Variants in CELSR2 observed in about 807,000 individuals in gnomAD.
CELSR2 encodes cadherin EGF LAG seven-pass G-type receptor 2.
CELSR2 carries 81 observed loss-of-function variants against 251.6 expected under a neutral mutation model. That is an observed-to-expected ratio of 0.32 (90% CI 0.27 to 0.39). CELSR2 has a LOEUF of 0.39. Ranked by LOEUF, CELSR2 falls within the 10% of genes least tolerant of loss-of-function variation. The probability of loss-of-function intolerance (pLI) is 1.00; values close to 1 mark genes in which losing one functional copy is unlikely to be tolerated. For synonymous variants in CELSR2, 1,721 were observed against 1,670.5 expected (o/e 1.03, Z -0.74); for missense variants, 3,365 against 3,947.7 (o/e 0.85, Z 3.96).
In CELSR2 at chr1:109,250,330, T is replaced by A. The variant is rs1157871310; in HGVS notation, c.251T>A (p.Val84Glu). The part of the protein sequence containing the change: ...DAGTELTGHL[V>E]PHHDGLRVWC... ...GGCACTGAGCTGACTGGCCACCTGG[T>A]ACCCCACCACGATGGCCTGAGGGTT... is the stretch of plus-strand genomic sequence containing the variant. The change falls in exon 1 of 34, where the codon GTA becomes GAA. Residue 84 changes from valine (V) to glutamate (E), a missense_variant. Val to Glu is a moderately radical substitution (Grantham distance 121, BLOSUM62 -2). This residue lies in a region of CELSR2 where 704 missense variants were observed against 784.1 expected (regional missense o/e 0.90). Transcript: ENST00000271332. The surrounding 1 kb of genome is among the most constrained non-coding windows in gnomAD (Gnocchi z 4.4). The A allele has an allele frequency of 6.2e-7, 1 of 1,613,336 alleles. No homozygotes were observed. Among genetic ancestry groups the A allele is most frequent in the African/African-American group, 1.3e-5 (1 of 74,942 alleles).
chr1:109,272,820 C>T lies in CELSR2; in HGVS notation c.8144-13C>T. 3 of 1,613,066 alleles carry T rather than the reference C, an allele frequency of 1.9e-6. No individual in the cohort carries two copies. The highest frequency in any genetic ancestry group is 3.3e-5 in the Admixed American group (2 of 59,980). ...GTGGCTGGGCTGGCTGTGATCTCTC[C>T]CTGGCCTCCTAGATCCTGACACGGA... On this transcript the variant is annotated splice_polypyrimidine_tract_variant and intron_variant, in intron 30 of 33. Coordinates refer to ENST00000271332, the MANE Select transcript of CELSR2 (RefSeq NM_001408.3).
chr1:109,269,880 T>C lies in CELSR2; in HGVS notation c.7108-53T>C. ...TGGGCACCCAGGGCACGGGGCTGGG[T>C]GCTCAGGTCCTGCCCTTCCTAATTC... is the stretch of plus-strand genomic sequence containing the variant. On this transcript the variant is annotated intron_variant, in intron 22 of 33. Coordinates refer to ENST00000271332, the MANE Select transcript of CELSR2 (RefSeq NM_001408.3). This position sits in a 1 kb window ranked among gnomAD's most constrained non-coding sequence, Gnocchi z 6.4. The C allele has an allele frequency of 6.2e-7, 1 of 1,613,544 alleles. No homozygotes were observed. The highest frequency in any genetic ancestry group is 2.2e-5 in the East Asian group (1 of 44,828).
chr1:109,268,158 C>A, intron 17 of CELSR2, 98 bp downstream of exon 17: 2 of 1,476,660 alleles, frequency 1.4e-6, no homozygotes, highest in Non-Finnish European at 1.8e-6. Context: ...CCCTCCCATC[C>A]CACCTACAAG....
In CELSR2 at chr1:109,270,122, G is replaced by A. The variant is rs1656327680; in HGVS notation, c.7297G>A (p.Ala2433Thr). 1 of 1,613,852 alleles carries A rather than the reference G, an allele frequency of 6.2e-7. No individual in the cohort carries two copies. The highest frequency in any genetic ancestry group is 8.5e-7 in the Non-Finnish European group (1 of 1,179,990). The change falls in exon 23 of 34, where the codon GCT becomes ACT. Residue 2433 changes from alanine (A) to threonine (T), a missense_variant. Transcript: ENST00000271332. ...QLVFLLGINQ[A>T]DLPFACTVIA... ...GGTCTTCCTCCTGGGAATCAACCAGGCTGACCTCCCTGTAAGATGCTCCTA... is the reference window on the plus strand; with the variant it reads ...GGTCTTCCTCCTGGGAATCAACCAGACTGACCTCCCTGTAAGATGCTCCTA...
rs771567163 is a variant in CELSR2 at position 109,273,599 on chromosome 1, G to A, written c.8673G>A (p.Gln2891=). The A allele has an allele frequency of 9.7e-6, 15 of 1,552,168 alleles. No homozygotes were observed. Among genetic ancestry groups the A allele is most frequent in the Non-Finnish European group, 1.3e-5 (15 of 1,147,962 alleles). The change falls in exon 33 of 34, where the codon CAG becomes CAA. Residue 2891 remains glutamine (Q), a synonymous_variant. Coordinates refer to ENST00000271332, the MANE Select transcript of CELSR2 (RefSeq NM_001408.3). ...RPPPRQSLQE[Q]LNGVMPIAMS... ...CGCCCCGGCAGAGCCTCCAGGAGCA[G>A]CTGAACGGGGTCATGCCCATCGCCA...
At position 109,262,722 on chromosome 1, in the gene CELSR2, G is replaced by C. The variant is rs6685415; in HGVS notation, c.4545-84G>C. 0.01 allele frequency: 16,106 copies of C among 1,565,766 alleles called. 1,321 individuals carry two copies. The African/African-American group carries it at 0.19, about 18-fold the overall frequency. On this transcript the variant is annotated intron_variant, in intron 6 of 33. Transcript: ENST00000271332. ...TCTTGGACACCTGCCTACGCCGTTC[G>C]TGTCTCTGGCCTGGCGGCAGAGCGA...
At position 109,251,564 on chromosome 1, in the gene CELSR2, C is replaced by T. The variant is rs1278525890; in HGVS notation, c.1485C>T (p.Val495=). Reference sequence around the variant, plus strand: ...TCTCTGGCTTGGTGACAGTACAGGTCCTGGATATCAACGACAATGCCCCCA... The same window carrying T: ...TCTCTGGCTTGGTGACAGTACAGGTTCTGGATATCAACGACAATGCCCCCA... ...SNVSGLVTVQ[V]LDINDNAPIF... is the part of the protein sequence containing the mutation. The change falls in exon 1 of 34, where the codon GTC becomes GTT. Residue 495 remains valine, a synonymous_variant. Coordinates refer to ENST00000271332, the MANE Select transcript of CELSR2 (RefSeq NM_001408.3). This position sits in a 1 kb window ranked among gnomAD's most constrained non-coding sequence, Gnocchi z 4.9. 2.5e-6 allele frequency: 4 copies of T among 1,613,760 alleles called. No individual in the cohort carries two copies. The highest frequency in any genetic ancestry group is 3.4e-6 in the Non-Finnish European group (4 of 1,180,020).
rs764334326 is a variant in CELSR2 at position 109,264,994 on chromosome 1, C to G, written c.5591C>G (p.Pro1864Arg). ...GAGTGTCCCCCAAATTACCTTGGGC[C>G]ATACTGTGAGACCAGGTAAGCAGAC... Reference protein sequence around the residue: ...TCECPPNYLGPYCETRIDQPC... With the variant: ...TCECPPNYLGRYCETRIDQPC... Residue 1864 changes from proline (P) to arginine (R), a missense_variant, in exon 12 of 34, where the codon CCA becomes CGA. Pro to Arg is a moderately radical substitution (Grantham distance 103, BLOSUM62 -2). This residue lies in a region of CELSR2 where 2,093 missense variants were observed against 2,382.8 expected (regional missense o/e 0.88). Coordinates refer to ENST00000271332, the MANE Select transcript of CELSR2 (RefSeq NM_001408.3). 3.7e-6 allele frequency: 6 copies of G among 1,614,074 alleles called. No individual in the cohort carries two copies. The African/African-American group carries it at 8.0e-5, about 22-fold the overall frequency.
chr1:109,251,642 C>T lies in CELSR2; in HGVS notation c.1563C>T (p.Gly521=), dbSNP rs1655693009. 1 of 1,613,940 alleles carries T rather than the reference C, an allele frequency of 6.2e-7. No individual in the cohort carries two copies. Among genetic ancestry groups the T allele is most frequent in the Non-Finnish European group, 8.5e-7 (1 of 1,179,896 alleles). The change falls in exon 1 of 34, where the codon GGC becomes GGT. Residue 521 remains glycine, a synonymous_variant. Coordinates refer to ENST00000271332, the MANE Select transcript of CELSR2 (RefSeq NM_001408.3). This position sits in a 1 kb window ranked among gnomAD's most constrained non-coding sequence, Gnocchi z 4.9. ...QATVLESVPL[G]YLVLHVQAID... ...CTGTCCTGGAGAGTGTCCCCTTAGG[C>T]TACCTGGTTCTCCATGTCCAGGCTA...
chr1:109,260,845 CAG>C (rs1415927550), intron 2 of CELSR2, among the ~76,000 whole-genome samples, 195 bp from the exon 3 acceptor site: 1 of 152,206 alleles, frequency 6.6e-6, no homozygotes, highest in East Asian at 1.9e-4. Flanking sequence ...GTGAGCCAAA[CAG>C]GGTGCCCATG....
In CELSR2 at chr1:109,269,871, G is replaced by A. The variant is rs765107081; in HGVS notation, c.7107+51G>A. 1.4e-5 allele frequency: 22 copies of A among 1,613,164 alleles called. No individual in the cohort carries two copies. The East Asian group carries it at 2.0e-4, about 15-fold the overall frequency. On this transcript the variant is annotated intron_variant, in intron 22 of 33. Transcript: ENST00000271332. This position sits in a 1 kb window ranked among gnomAD's most constrained non-coding sequence, Gnocchi z 6.4. ...AGCCGTGGGTGGGCACCCAGGGCAC[G>A]GGGCTGGGTGCTCAGGTCCTGCCCT...
At position 109,258,689 on chromosome 1, in the gene CELSR2, C is replaced by T. The variant is rs41279708; in HGVS notation, c.3568C>T (p.Pro1190Ser). The T allele has an allele frequency of 1.9e-6, 3 of 1,547,764 alleles. No homozygotes were observed. The highest frequency in any genetic ancestry group is 1.2e-5 in the South Asian group (1 of 84,286). Residue 1190 changes from proline to serine, a missense_variant, in exon 2 of 34, where the codon CCG becomes TCG. By Grantham distance (74) the Pro-to-Ser change is moderately conservative. Coordinates refer to ENST00000271332, the MANE Select transcript of CELSR2 (RefSeq NM_001408.3). ...ILNVSLSVGQ[P>S]PGPGGGPPFL... is the part of the protein sequence containing the mutation. ...CAACGTGAGCCTGTCGGTGGGCCAG[C>T]CGCCAGGGCCCGGGGGCGGGCCGCC... is the stretch of plus-strand genomic sequence containing the variant.
In CELSR2 at chr1:109,273,523, G is replaced by C. The variant is rs752542322; in HGVS notation, c.8597G>C (p.Arg2866Pro). ...LPLEQCTGSS[R>P]GSSASEGSRG... ...CTGGAGCAATGCACAGGGTCTTCCC[G>C]GGGCTCCTCCGCTAGTGAGGGCAGC... Residue 2866 changes from arginine (R) to proline (P), a missense_variant, in exon 33 of 34, where the codon CGG becomes CCG. By Grantham distance (103) the Arg-to-Pro change is moderately radical (BLOSUM62 -2). Around this residue, in one of 5 missense-constraint regions of CELSR2, gnomAD observed 2,093 missense variants for 2,382.8 expected, o/e 0.88. Transcript: ENST00000271332. 2.5e-6 allele frequency: 4 copies of C among 1,602,032 alleles called. No homozygotes were observed. The highest frequency in any genetic ancestry group is 2.7e-5 in the African/African-American group (2 of 74,470).
intron 28 of CELSR2, 73 bp downstream of exon 28, chr1:109,271,795 T>A (rs1656379858): frequency 6.5e-7 from 1 of 1,548,334 alleles, no homozygotes; most frequent in Non-Finnish European, 8.8e-7. Flanking sequence ...CCTGTACTTT[T>A]GGCCCCACTC....
intron 11 of CELSR2, 33 bp from the exon 12 acceptor site, chr1:109,264,835 G>C (rs1423738683): frequency 6.2e-7 from 1 of 1,613,668 alleles, no homozygotes; most frequent in South Asian, 1.1e-5. Flanking sequence ...GGGAGGGTGG[G>C]GGAATGAGCC....
chr1:109,266,070 G>T, intron 14 of CELSR2, 35 bp from the exon 15 acceptor site: 1 of 1,610,034 alleles, frequency 6.2e-7, no homozygotes. Context: ...CAGAGGGAGA[G>T]CTGCTCCTGG....
intron 9 of CELSR2, 146 bp from the exon 10 acceptor site, chr1:109,263,932 G>C (rs1656109619): frequency 1.4e-6 from 2 of 1,384,796 alleles, no homozygotes; most frequent in Non-Finnish European, 1.9e-6. Flanking sequence ...CCACCTGTTG[G>C]GCCTGAGGGA....
In CELSR2 at chr1:109,253,486, G is replaced by T. The variant is rs1570776543; in HGVS notation, c.3310+97G>T. ...GGGTGCGATCCAGGAAGCAGCTACA[G>T]ATCCACCTCCCTGCCCAGTGCCTGG... On this transcript the variant is annotated intron_variant, in intron 1 of 33. Coordinates refer to ENST00000271332, the MANE Select transcript of CELSR2 (RefSeq NM_001408.3). 3.4e-6 allele frequency: 5 copies of T among 1,481,956 alleles called. No individual in the cohort carries two copies. The East Asian group carries it at 9.8e-5, about 29-fold the overall frequency. 91.8% of individuals were successfully genotyped at this position (1,481,956 alleles called of 1,614,324 possible). A position where few individuals can be genotyped will look rare whatever the true frequency, so the allele number is the denominator to read the frequency against.
At chr1:109,255,989 G>T (rs1161122083) in intron 1 of CELSR2, among the ~76,000 whole-genome samples, 1 of 152,212 alleles carries the variant, frequency 6.6e-6, no homozygotes, top group African/African-American at 2.4e-5. Context: ...GCTGAGGGGT[G>T]GCAAAGTTTC....
Sources: gnomAD v4.1 joint callset for allele counts (sites outside exome capture counted in the v4.1 genomes callset) on GRCh38, gnomAD v4.1.1 for gene constraint, gnomAD v4.1.1 regional missense constraint, Gnocchi (gnomAD v3.1) non-coding constraint, MANE v1.5 for transcripts, NCBI Gene and HGNC (gene_info 2026-07-23, HGNC 2026-07-21) for gene names.